KIF16B: variants seen among roughly 807,000 people sequenced by gnomAD.
KIF16B encodes kinesin-like protein KIF16B.
In KIF16B, 98 loss-of-function variants were observed where a neutral mutation model predicts 156.3. The ratio of observed to expected loss-of-function variants is 0.63; its 90% CI spans 0.53 to 0.74. KIF16B has a LOEUF of 0.74. Among genes scored for constraint, KIF16B ranks in the 30% least tolerant of loss-of-function variants. KIF16B has a pLI of 0.00. For missense variants in KIF16B, 1,421 were observed against 1,606.5 expected (o/e 0.88, Z 1.97); for synonymous variants, 564 against 583.7 (o/e 0.97, Z 0.49).
Position 16,370,602 on chromosome 20 carries a change from C to G in KIF16B, c.3482G>C (p.Arg1161Pro), listed in dbSNP as rs199899627. The change falls in exon 22 of 26, where the codon CGT becomes CCT. Residue 1161 changes from arginine to proline, a missense_variant. Transcript: ENST00000354981. ...ATTACCTACCTCATATTTTAGTTTA[C>G]GTTGAATGGTGCCATTGTGAAGTTT... is the stretch of plus-strand genomic sequence containing the variant. ...NEKLHNGTIQRKLKYERMVSR... is the reference protein window; with the variant it reads ...NEKLHNGTIQPKLKYERMVSR... The G allele has an allele frequency of 6.3e-7, 1 of 1,579,268 alleles. No homozygotes were observed. Among genetic ancestry groups the G allele is most frequent in the Non-Finnish European group, 8.6e-7 (1 of 1,169,430 alleles).
At chr20:16,322,281 T>C (rs886824790) in intron 24 of KIF16B, among the ~76,000 whole-genome samples, 1 of 152,010 alleles carries the variant, frequency 6.6e-6, no homozygotes. Context: ...TGTCTTTCCC[T>C]TCTTCAGTGC....
At chr20:16,476,503 G>A (rs1281312291) in intron 12 of KIF16B, among the ~76,000 whole-genome samples, 2 of 152,126 alleles carry the variant, frequency 1.3e-5, no homozygotes, top group African/African-American at 2.4e-5. Context: ...TTAACAAAAA[G>A]CAATCTGGCT....
intron 1 of KIF16B, among the ~76,000 whole-genome samples, chr20:16,547,783 A>G (rs1324826481): frequency 1.3e-5 from 2 of 152,214 alleles, no homozygotes; most frequent in African/African-American, 2.4e-5. Context: ...CAGGGCATCA[A>G]CTGAAGGCAA....
At chr20:16,501,497 T>C (rs186549109) in intron 10 of KIF16B, among the ~76,000 whole-genome samples, 3 of 151,974 alleles carry the variant, frequency 2.0e-5, no homozygotes, top group East Asian at 1.9e-4. Context: ...ATTCCACTTG[T>C]AGACATAAAT....
intron 1 of KIF16B, among the ~76,000 whole-genome samples, chr20:16,530,222 C>G (rs1266617158): frequency 6.6e-6 from 1 of 152,174 alleles, no homozygotes; most frequent in Non-Finnish European, 1.5e-5. Flanking sequence ...CGGGCACCTT[C>G]TAACACGGCT....
chr20:16,568,629 C>T (rs1425880980), intron 1 of KIF16B, among the ~76,000 whole-genome samples: 1 of 151,994 alleles, frequency 6.6e-6, no homozygotes, highest in Admixed American at 6.6e-5. Context: ...GCCTGGGCGA[C>T]ACAGGGAGAC....
intron 22 of KIF16B, 125 bp from the exon 23 acceptor site, chr20:16,356,577 GT>G: frequency 9.9e-7 from 1 of 1,006,300 alleles, no homozygotes; most frequent in Non-Finnish European, 1.4e-6. Context: ...AACCAGTAGG[GT>G]TTATTTAGAA....
intron 11 of KIF16B, among the ~76,000 whole-genome samples, chr20:16,495,469 C>G (rs2068422856): frequency 1.3e-5 from 2 of 152,126 alleles, no homozygotes; most frequent in African/African-American, 2.4e-5. Context: ...AAGAGGAAAA[C>G]CAAAATATAT....
At chr20:16,327,532 A>G (rs764788971) in intron 24 of KIF16B, among the ~76,000 whole-genome samples, 3 of 152,122 alleles carry the variant, frequency 2.0e-5, no homozygotes, top group Non-Finnish European at 2.9e-5. Flanking sequence ...AGAACATCCT[A>G]TGGAGGATTT....
intron 15 of KIF16B, among the ~76,000 whole-genome samples, chr20:16,407,404 G>A (rs1476799303): frequency 2.0e-5 from 3 of 152,140 alleles, no homozygotes; most frequent in Admixed American, 1.3e-4. Context: ...CACATGCACT[G>A]ACAGTCAACC....
At chr20:16,345,262 T>C (rs1394510422) in intron 23 of KIF16B, among the ~76,000 whole-genome samples, 1 of 152,250 alleles carries the variant, frequency 6.6e-6, no homozygotes, top group Non-Finnish European at 1.5e-5. Flanking sequence ...TAGTTATTCA[T>C]CTTTTCTGTT....
At chr20:16,551,555 G>T (rs1195311575) in intron 1 of KIF16B, among the ~76,000 whole-genome samples, 1 of 152,234 alleles carries the variant, frequency 6.6e-6, no homozygotes, top group Non-Finnish European at 1.5e-5. Context: ...AACTTTTGAA[G>T]AATGAGGCTG....
chr20:16,494,218 T>TC, intron 12 of KIF16B, 73 bp downstream of exon 12: 1 of 840,658 alleles, frequency 1.2e-6, no homozygotes, highest in Non-Finnish European at 1.9e-6. Context: ...TGTTTGGAGA[T>TC]TAAAAAAAAA....
intron 24 of KIF16B, among the ~76,000 whole-genome samples, chr20:16,315,265 G>T (rs1263645669): frequency 2.6e-5 from 4 of 152,142 alleles, no homozygotes; most frequent in African/African-American, 9.7e-5. Context: ...CAACACTGTT[G>T]TTCAGATTTT....
intron 25 of KIF16B, among the ~76,000 whole-genome samples, chr20:16,300,348 T>C (rs1601524154): frequency 6.6e-6 from 1 of 152,114 alleles, no homozygotes; most frequent in Non-Finnish European, 1.5e-5. Context: ...CAGTGGAAAA[T>C]ACATATGAAA....
chr20:16,492,439 T>C (rs562785014), intron 12 of KIF16B, among the ~76,000 whole-genome samples: 20 of 152,188 alleles, frequency 1.3e-4, no homozygotes, highest in Non-Finnish European at 2.1e-4. Flanking sequence ...GGGAAAAACA[T>C]TGAAATAGCA....
At chr20:16,473,395 A>G (rs1004349342) in intron 12 of KIF16B, among the ~76,000 whole-genome samples, 1 of 152,176 alleles carries the variant, frequency 6.6e-6, no homozygotes, top group African/African-American at 2.4e-5. Flanking sequence ...CCCTCAACAA[A>G]CATTTCCCAA....
At chr20:16,332,122 ATTC>A (rs2063958360) in intron 24 of KIF16B, among the ~76,000 whole-genome samples, 2 of 152,188 alleles carry the variant, frequency 1.3e-5, no homozygotes, top group African/African-American at 4.8e-5. Flanking sequence ...TTTAGAAATA[ATTC>A]TTTTTTCCCA....
At chr20:16,547,329 C>A (rs1174365759) in intron 1 of KIF16B, among the ~76,000 whole-genome samples, 1 of 152,320 alleles carries the variant, frequency 6.6e-6, no homozygotes, top group Non-Finnish European at 1.5e-5. Context: ...AATATCATGG[C>A]TCATGCCCTT....
Sources: allele counts gnomAD v4.1 joint callset (sites outside exome capture counted in the v4.1 genomes callset), GRCh38; gene constraint gnomAD v4.1.1; transcripts MANE v1.5; gene names NCBI Gene and HGNC (gene_info 2026-07-23, HGNC 2026-07-21).